TRPM3: variants seen among roughly 807,000 people sequenced by gnomAD.
TRPM3 encodes the protein long transient receptor potential channel 3.
Under a neutral mutation model 181.2 loss-of-function variants are expected in TRPM3, and 77 were observed. The ratio of observed to expected loss-of-function variants is 0.42; its 90% CI spans 0.35 to 0.51. The LOEUF is 0.51. Among genes scored for constraint, TRPM3 ranks in the 20% least tolerant of loss-of-function variants. The pLI is 0.01. For missense variants in TRPM3, 1,759 were observed against 2,196.7 expected (o/e 0.80, Z 3.98); for synonymous variants, 745 against 796.4 (o/e 0.94, Z 1.09).
At chr9:71,342,674 A>G (rs1429623703) in intron 1 of TRPM3, among the ~76,000 whole-genome samples, 1 of 152,136 alleles carries the variant, frequency 6.6e-6, no homozygotes, top group Non-Finnish European at 1.5e-5. Context: ...ACAAAAGTAA[A>G]TTAGGCTTAC....
chr9:70,933,319 C>A (rs1049341865), intron 1 of TRPM3, among the ~76,000 whole-genome samples: 1 of 151,964 alleles, frequency 6.6e-6, no homozygotes, highest in Admixed American at 6.6e-5. Flanking sequence ...ATGTGATTAC[C>A]CAGACAGAGA....
At chr9:71,268,946 G>A (rs1040953894) in intron 1 of TRPM3, among the ~76,000 whole-genome samples, 1 of 152,180 alleles carries the variant, frequency 6.6e-6, no homozygotes, top group African/African-American at 2.4e-5. Flanking sequence ...AGTAAGGTTA[G>A]AGGCCATCTC....
At position 71,185,469 on chromosome 9, in the gene TRPM3, C is replaced by T. The variant is rs547109631; in HGVS notation, c.183+261184G>A. Among the ~76,000 whole-genome samples, 6 of 152,138 alleles carry T rather than the reference C, an allele frequency of 3.9e-5. 1 individual carries two copies. The highest frequency in any genetic ancestry group is 2.6e-4 in the Admixed American group (4 of 15,252). ...CAAAGAAGCTTACTTTGGAAGTAGA[C>T]CCTCTTTGTTTCTTTCTTGGCTGTT... On this transcript the variant is annotated intron_variant, in intron 1 of 24. Coordinates refer to the TRPM3 transcript ENST00000357533.
intron 1 of TRPM3, among the ~76,000 whole-genome samples, chr9:71,402,727 T>A (rs886519444): frequency 1.3e-5 from 2 of 152,158 alleles, no homozygotes; most frequent in African/African-American, 4.8e-5. Context: ...AAACATGAAG[T>A]AGTATATGCT....
chr9:70,682,685 A>G (rs1228673853), intron 8 of TRPM3, among the ~76,000 whole-genome samples: 1 of 152,180 alleles, frequency 6.6e-6, no homozygotes, highest in Non-Finnish European at 1.5e-5. Flanking sequence ...GAAAGAGGGA[A>G]AGAAAAATTT....
chr9:71,181,562 C>T (rs773690742), intron 1 of TRPM3, among the ~76,000 whole-genome samples: 5 of 151,866 alleles, frequency 3.3e-5, no homozygotes, highest in African/African-American at 9.7e-5. Context: ...TCAGATGCTG[C>T]GGAATACAAT....
chr9:71,443,385 C>A (rs1228200837), intron 1 of TRPM3, among the ~76,000 whole-genome samples: 1 of 151,818 alleles, frequency 6.6e-6, no homozygotes, highest in African/African-American at 2.4e-5. Context: ...GTTAGACACA[C>A]CCACTATTGT....
rs2097115713 is a variant in TRPM3, at chr9:70,959,565, TTTG to T, written c.178-95057_178-95055del. Among the ~76,000 whole-genome samples, 3 of 152,266 alleles carry T rather than the reference TTTG, an allele frequency of 2.0e-5. No homozygotes were observed. In the South Asian group the frequency reaches 6.2e-4, roughly 32 times the overall value. On this transcript the variant is annotated intron_variant, in intron 1 of 25. Coordinates refer to ENST00000677713, the MANE Select transcript of TRPM3 (RefSeq NM_001366145.2). ...TCCTCTGCCAAGTTTTTGGCTTCTG[TTTG>T]TTGTTGTTTTAAAGGTAAACACAAT...
At chr9:71,000,667 G>A (rs1017257542) in intron 1 of TRPM3, among the ~76,000 whole-genome samples, 1 of 152,118 alleles carries the variant, frequency 6.6e-6, no homozygotes, top group Non-Finnish European at 1.5e-5. Flanking sequence ...CAACATAAAG[G>A]AGAAGGATCT....
chr9:71,021,329 T>G (rs1252985995), intron 1 of TRPM3, among the ~76,000 whole-genome samples: 1 of 152,182 alleles, frequency 6.6e-6, no homozygotes, highest in Non-Finnish European at 1.5e-5. Context: ...TTTGTGCTTT[T>G]TAAGTATGCA....
chr9:71,305,190 A>G (rs2087162358), intron 1 of TRPM3, among the ~76,000 whole-genome samples: 2 of 152,242 alleles, frequency 1.3e-5, no homozygotes, highest in Admixed American at 1.3e-4. Context: ...TAGTGCAGTG[A>G]GAAAATGAAT....
At chr9:70,923,824 CTCTCTA>C (rs1430955983) in intron 1 of TRPM3, among the ~76,000 whole-genome samples, 7 of 142,532 alleles carry the variant, frequency 4.9e-5, no homozygotes, top group Admixed American at 1.4e-4. Context: ...CTCTCTCTCT[CTCTCTA>C]TATATATATA....
chr9:71,400,876 C>T (rs2093327044), intron 1 of TRPM3, among the ~76,000 whole-genome samples: 1 of 151,150 alleles, frequency 6.6e-6, no homozygotes, highest in Admixed American at 6.6e-5. Context: ...TATTCTAATG[C>T]TTATTAGTAA....
chr9:71,312,915 A>G (rs1042981332), intron 1 of TRPM3, among the ~76,000 whole-genome samples: 3 of 152,112 alleles, frequency 2.0e-5, no homozygotes, highest in African/African-American at 7.2e-5. Context: ...GAATAGGCAG[A>G]GCACGAAGGA....
At position 71,018,197 on chromosome 9, in the gene TRPM3, A is replaced by G. The variant is rs1184127181; in HGVS notation, c.177+102981T>C. On this transcript the variant is annotated intron_variant, in intron 1 of 25. Transcript: ENST00000677713. ...AAAGCTGTACTTCCAGAGAAAATTT[A>G]TAGCTTTGGTTGAATATATTAGAAA... Among the ~76,000 whole-genome samples the G allele has an allele frequency of 2.7e-5, 4 of 150,854 alleles. No individual in the cohort carries two copies. The East Asian group carries it at 7.8e-4, about 29-fold the overall frequency.
At chr9:71,322,140 C>A (rs1326096602) in intron 1 of TRPM3, among the ~76,000 whole-genome samples, 1 of 152,076 alleles carries the variant, frequency 6.6e-6, no homozygotes, top group Non-Finnish European at 1.5e-5. Context: ...TTTTGTGTTA[C>A]AATCCAAGTA....
chr9:71,375,241 G>A lies in TRPM3; in HGVS notation c.183+71412C>T, dbSNP rs548396157. The stretch of plus-strand genomic sequence containing the variant: ...ACATATCTACAACCAGCTGATCTTC[G>A]ACAAATCTGACTTAAACAAGCAATG... On this transcript the variant is annotated intron_variant, in intron 1 of 24. Transcript: ENST00000357533. 6.6e-5 allele frequency among the ~76,000 whole-genome samples: 10 copies of A among 152,204 alleles called. No individual in the cohort carries two copies. In the South Asian group the frequency reaches 1.0e-3, roughly 16 times the overall value.
intron 1 of TRPM3, among the ~76,000 whole-genome samples, chr9:70,890,960 C>G (rs1466698341): frequency 6.6e-6 from 1 of 151,706 alleles, no homozygotes; most frequent in Non-Finnish European, 1.5e-5. Context: ...ACACAACTAA[C>G]CTAAAGAATT....
intron 1 of TRPM3, among the ~76,000 whole-genome samples, chr9:71,355,094 T>C (rs1051559266): frequency 2.0e-5 from 3 of 152,246 alleles, no homozygotes; most frequent in Non-Finnish European, 4.4e-5. Context: ...TAGCCACTGG[T>C]ACCCATTGCC....
Sources: allele counts gnomAD v4.1 joint callset (sites outside exome capture counted in the v4.1 genomes callset), GRCh38; gene constraint gnomAD v4.1.1; transcripts MANE v1.5; gene names NCBI Gene and HGNC (gene_info 2026-07-23, HGNC 2026-07-21).